The following HECTD2 variants were observed in gnomAD, a reference collection of about 807,000 sequenced individuals.
The protein encoded by HECTD2 is probable E3 ubiquitin-protein ligase HECTD2.
Under a neutral mutation model 103.2 loss-of-function variants are expected in HECTD2, and 35 were observed. The ratio of observed to expected loss-of-function variants is 0.34; its 90% confidence interval spans 0.26 to 0.45. The LOEUF is 0.45. HECTD2 is among the 20% of genes least tolerant of loss of function. The pLI, the probability that HECTD2 is intolerant of heterozygous loss-of-function variation, is 1.00. For missense variants in HECTD2, 596 were observed against 937.4 expected, an observed-to-expected ratio of 0.64 and a Z score of 4.76; for synonymous variants, 281 against 329.9, an observed-to-expected ratio of 0.85 and a Z score of 1.61.
chr10:91,466,488 T>A (rs1472133097), intron 5 of HECTD2, among the ~76,000 whole-genome samples: 1 of 152,232 alleles, frequency 6.6e-6, no homozygotes, highest in African/African-American at 2.4e-5. Flanking sequence ...TTTCCTAAGG[T>A]GGACACTTAA....
At chr10:91,459,176 AT>A (rs942776693) in intron 2 of HECTD2, among the ~76,000 whole-genome samples, 2 of 152,006 alleles carry the variant, frequency 1.3e-5, no homozygotes, top group Non-Finnish European at 2.9e-5. Context: ...ACACAGAAAT[AT>A]TATGCAACTA....
chr10:91,422,975 G>C (rs981653972), intron 1 of HECTD2, among the ~76,000 whole-genome samples: 3 of 152,182 alleles, frequency 2.0e-5, no homozygotes, highest in Non-Finnish European at 2.9e-5. Context: ...TTTAGGACAT[G>C]AGAAGTTTCC....
At chr10:91,476,812 C>T (rs72819217) in intron 5 of HECTD2, among the ~76,000 whole-genome samples, 2,238 of 152,286 alleles carry the variant, frequency 0.015, 29 homozygotes, top group Middle Eastern at 0.037. Flanking sequence ...CCTGTGAGGC[C>T]TTTGTCTTTG....
At chr10:91,502,789 T>A (rs929846524) in intron 20 of HECTD2, among the ~76,000 whole-genome samples, 3 of 152,162 alleles carry the variant, frequency 2.0e-5, no homozygotes, top group African/African-American at 7.2e-5. Flanking sequence ...TCTGTTTTAA[T>A]ACAAAGGTGA....
chr10:91,453,776 T>C (rs1009833787), intron 2 of HECTD2, among the ~76,000 whole-genome samples: 15 of 152,224 alleles, frequency 9.9e-5, no homozygotes, highest in African/African-American at 3.6e-4. Flanking sequence ...CCAACTGTTT[T>C]CTATTTATAA....
chr10:91,502,786 T>TAATA, intron 20 of HECTD2, among the ~76,000 whole-genome samples: 1 of 152,290 alleles, frequency 6.6e-6, no homozygotes, highest in East Asian at 1.9e-4. Flanking sequence ...CAATCTGTTT[T>TAATA]AATACAAAGG....
At chr10:91,454,094 T>G (rs1157044465) in intron 2 of HECTD2, among the ~76,000 whole-genome samples, 2 of 152,054 alleles carry the variant, frequency 1.3e-5, no homozygotes, top group Non-Finnish European at 2.9e-5. Context: ...TATTGAAGTC[T>G]CCAACTGTAA....
At chr10:91,432,882 G>A (rs894371340) in intron 2 of HECTD2, among the ~76,000 whole-genome samples, 2 of 151,954 alleles carry the variant, frequency 1.3e-5, no homozygotes, top group East Asian at 1.9e-4. Context: ...AGAACAAGTG[G>A]TCTTCAGCTG....
At chr10:91,430,924 G>A (rs1321686521) in intron 2 of HECTD2, among the ~76,000 whole-genome samples, 1 of 151,166 alleles carries the variant, frequency 6.6e-6, no homozygotes, top group East Asian at 1.9e-4. Flanking sequence ...CTGTCATTAT[G>A]ATGTTAGCTG....
intron 1 of HECTD2, among the ~76,000 whole-genome samples, chr10:91,411,863 A>G (rs1753851494): frequency 6.6e-6 from 1 of 152,188 alleles, no homozygotes; most frequent in Non-Finnish European, 1.5e-5. Context: ...CAGATTTTAT[A>G]TAGGAAGTCT....
At chr10:91,476,066 G>A (rs1442557419) in intron 5 of HECTD2, among the ~76,000 whole-genome samples, 1 of 152,220 alleles carries the variant, frequency 6.6e-6, no homozygotes, top group Non-Finnish European at 1.5e-5. Flanking sequence ...GAGCAAAGTG[G>A]AGAAGAACAG....
chr10:91,469,748 C>A (rs142395000), intron 5 of HECTD2, among the ~76,000 whole-genome samples: 1 of 152,174 alleles, frequency 6.6e-6, no homozygotes, highest in Non-Finnish European at 1.5e-5. Flanking sequence ...TGTAAAAAGG[C>A]TAAATGTCTA....
intron 2 of HECTD2, among the ~76,000 whole-genome samples, chr10:91,458,886 A>T (rs1352571841): frequency 1.3e-5 from 2 of 152,046 alleles, no homozygotes; most frequent in South Asian, 2.1e-4. Flanking sequence ...ATTTGACTTC[A>T]TCAAAATTTA....
intron 1 of HECTD2, among the ~76,000 whole-genome samples, chr10:91,415,478 T>A (rs1403375135): frequency 2.6e-5 from 4 of 152,190 alleles, no homozygotes; most frequent in Non-Finnish European, 5.9e-5. Context: ...TTTATTTAGT[T>A]AAATAATGCA....
rs1396813764 is a variant in HECTD2, at chr10:91,500,700, A to G, written c.2066+83A>G. The stretch of plus-strand genomic sequence containing the variant: ...GGTTCATTTATTTGCATAACTTACA[A>G]TCTTTGAATCAATTAAGTTAGTCAA... On this transcript the variant is annotated intron_variant, in intron 19 of 20. Coordinates refer to ENST00000298068, the MANE Select transcript of HECTD2 (RefSeq NM_182765.6). 13 of 676,102 alleles carry G rather than the reference A, an allele frequency of 1.9e-5. No individual in the cohort carries two copies. In the Admixed American group the frequency reaches 2.7e-4, roughly 14 times the overall value. 41.9% of individuals were successfully genotyped at this position (676,102 alleles called of 1,614,324 possible). A position where few individuals can be genotyped will look rare whatever the true frequency, so the allele number is the denominator to read the frequency against.
At chr10:91,478,079 T>A in intron 5 of HECTD2, 122 bp from the exon 6 acceptor site, 1 of 653,670 alleles carries the variant, frequency 1.5e-6, no homozygotes, top group Non-Finnish European at 2.7e-6. Flanking sequence ...CTACTATAAG[T>A]GTCAGTCCTG....
chr10:91,498,288 C>A (rs1253589411), intron 16 of HECTD2, 106 bp downstream of exon 16: 3 of 744,214 alleles, frequency 4.0e-6, no homozygotes, highest in Middle Eastern at 3.7e-4. Context: ...AAGGATTAAC[C>A]AATACATACA....
intron 20 of HECTD2, 40 bp from the exon 21 acceptor site, chr10:91,512,224 G>GT (rs1335691734): frequency 6.3e-7 from 1 of 1,599,242 alleles, no homozygotes; most frequent in Non-Finnish European, 8.5e-7. Context: ...TTTTGTGTGT[G>GT]TTTCAAGACT....
intron 5 of HECTD2, among the ~76,000 whole-genome samples, chr10:91,470,220 C>A (rs1051932466): frequency 3.3e-5 from 5 of 152,144 alleles, no homozygotes; most frequent in Non-Finnish European, 7.4e-5. Flanking sequence ...ATGGACCTAA[C>A]AGATATCTGC....
Sources: gnomAD v4.1 joint callset for allele counts (sites outside exome capture counted in the v4.1 genomes callset) on GRCh38, gnomAD v4.1.1 for gene constraint, MANE v1.5 for transcripts, NCBI Gene and HGNC (gene_info 2026-07-23, HGNC 2026-07-21) for gene names.